RAPH1: variants seen among roughly 807,000 people sequenced by gnomAD.
The protein encoded by RAPH1 is Ras association (RalGDS/AF-6) and pleckstrin homology domains 1, also known as ras-associated and pleckstrin homology domains-containing protein 1.
A neutral mutation model predicts 88.1 loss-of-function variants in RAPH1; 18 were observed. The observed-to-expected ratio is 0.20, with a 90% CI of 0.14 to 0.30. The LOEUF is 0.30. Among genes scored for constraint, RAPH1 ranks in the 10% least tolerant of loss-of-function variants. RAPH1 has a pLI of 1.00. For missense variants in RAPH1, 1,448 were observed against 1,543.2 expected, an observed-to-expected ratio of 0.94 and a Z score of 1.03; for synonymous variants, 587 against 559.0, an observed-to-expected ratio of 1.05 and a Z score of -0.71.
chr2:203,496,027 C>A (rs954642042), intron 1 of RAPH1, among the ~76,000 whole-genome samples: 12 of 152,146 alleles, frequency 7.9e-5, no homozygotes, highest in African/African-American at 2.9e-4. Flanking sequence ...AAATATAAGT[C>A]CCTTGAAAGA....
chr2:203,486,521 A>C (rs1687980475), intron 4 of RAPH1, among the ~76,000 whole-genome samples: 1 of 152,208 alleles, frequency 6.6e-6, no homozygotes, highest in African/African-American at 2.4e-5. Flanking sequence ...AAGAAATGGC[A>C]ATGTGTATGT....
At chr2:203,503,753 AG>A (rs1405016513) in intron 1 of RAPH1, among the ~76,000 whole-genome samples, 1 of 152,198 alleles carries the variant, frequency 6.6e-6, no homozygotes, top group East Asian at 1.9e-4. Context: ...TCTGCCTATG[AG>A]CCTATAAAAT....
At chr2:203,506,870 A>ATC (rs1689096914) in intron 1 of RAPH1, among the ~76,000 whole-genome samples, 1 of 100,746 alleles carries the variant, frequency 9.9e-6, no homozygotes, top group Admixed American at 1.1e-4. Flanking sequence ...ATATATATAT[A>ATC]TATATATATA....
intron 4 of RAPH1, among the ~76,000 whole-genome samples, chr2:203,479,459 C>T (rs892125927): frequency 3.3e-5 from 5 of 151,958 alleles, no homozygotes; most frequent in African/African-American, 1.2e-4. Flanking sequence ...CAAAAAATAG[C>T]CAGGGGTGGT....
At chr2:203,471,971 T>C (rs1017306892) in intron 4 of RAPH1, among the ~76,000 whole-genome samples, 2 of 152,130 alleles carry the variant, frequency 1.3e-5, no homozygotes, top group African/African-American at 4.8e-5. Context: ...GTAAGACTGA[T>C]TGGCTCCTCC....
chr2:203,478,227 G>T (rs1467872235), intron 4 of RAPH1, among the ~76,000 whole-genome samples: 6 of 151,934 alleles, frequency 3.9e-5, no homozygotes, highest in Admixed American at 3.3e-4. Context: ...GTAGAGACGG[G>T]GTTTCACAGT....
intron 1 of RAPH1, among the ~76,000 whole-genome samples, chr2:203,519,539 TA>T (rs1689771707): frequency 6.6e-6 from 1 of 152,068 alleles, no homozygotes; most frequent in Non-Finnish European, 1.5e-5. Flanking sequence ...ACAATTAACA[TA>T]ACACTTAATG....
At chr2:203,508,185 G>A (rs1581384991) in intron 1 of RAPH1, among the ~76,000 whole-genome samples, 1 of 140,438 alleles carries the variant, frequency 7.1e-6, no homozygotes, top group East Asian at 2.1e-4. Flanking sequence ...TAGCGCCACT[G>A]CACTCCAGCC....
At chr2:203,462,968 G>A (rs561971564) in intron 4 of RAPH1, among the ~76,000 whole-genome samples, 1 of 152,144 alleles carries the variant, frequency 6.6e-6, no homozygotes, top group African/African-American at 2.4e-5. Flanking sequence ...TGGAGGCTGG[G>A]GAGGGCAGAT....
In RAPH1 at chr2:203,439,403, T is replaced by C. The variant is rs374277521; in HGVS notation, c.*34A>G. 432 of 1,593,342 alleles carry C rather than the reference T, an allele frequency of 2.7e-4. No individual in the cohort carries two copies. The African/African-American group carries it at 5.5e-3, about 20-fold the overall frequency. On this transcript the variant is annotated 3_prime_UTR_variant, in exon 14 of 14. Coordinates refer to ENST00000319170, the MANE Select transcript of RAPH1 (RefSeq NM_213589.3). ...TCAGGTGAGCTGATTGTAGCAGTGA[T>C]TACAGATATCATGAAAATAAAGTCC...
rs1483831468 is a variant in RAPH1 at position 203,506,895 on chromosome 2, T to G, written c.1-11542A>C. ...ATATATATATAGATATATATATATA[T>G]ATATTTTTTTTTTTTTTGAGATGAA... On this transcript the variant is annotated intron_variant, in intron 1 of 13. Coordinates refer to ENST00000319170, the MANE Select transcript of RAPH1 (RefSeq NM_213589.3). Among the ~76,000 whole-genome samples the G allele has an allele frequency of 1.6e-4, 18 of 111,846 alleles. 2 individuals carry two copies. Among genetic ancestry groups the G allele is most frequent in the African/African-American group, 2.6e-4 (6 of 23,212 alleles). The allele number at this position is 111,846 out of a possible 152,430, so 73.4% of individuals were successfully genotyped here.
chr2:203,501,386 T>A (rs62182808), intron 1 of RAPH1, among the ~76,000 whole-genome samples: 2,140 of 152,342 alleles, frequency 0.014, 15 homozygotes, highest in Non-Finnish European at 0.022. Flanking sequence ...ACAAGACCTT[T>A]AGTTCTGCTG....
intron 4 of RAPH1, among the ~76,000 whole-genome samples, chr2:203,489,319 C>T (rs1341569913): frequency 2.6e-5 from 4 of 152,134 alleles, no homozygotes; most frequent in African/African-American, 9.6e-5. Context: ...TGAAATGACT[C>T]ATATTACAAT....
chr2:203,530,704 C>T (rs1190578585), intron 1 of RAPH1, among the ~76,000 whole-genome samples: 1 of 152,058 alleles, frequency 6.6e-6, no homozygotes, highest in Non-Finnish European at 1.5e-5. Context: ...TCAGCCTGGG[C>T]AACATGATGA....
At chr2:203,450,949 A>G (rs1330491376) in intron 10 of RAPH1, among the ~76,000 whole-genome samples, 1 of 151,428 alleles carries the variant, frequency 6.6e-6, no homozygotes, top group African/African-American at 2.4e-5. Flanking sequence ...AAGAGAAATT[A>G]TCCTCCACCC....
At chr2:203,523,346 T>C (rs950746128) in intron 1 of RAPH1, among the ~76,000 whole-genome samples, 7 of 151,330 alleles carry the variant, frequency 4.6e-5, no homozygotes, top group Non-Finnish European at 8.8e-5. Flanking sequence ...TGAGCTGAGA[T>C]TGTGCCACTG....
At chr2:203,479,680 G>A (rs1687633547) in intron 4 of RAPH1, among the ~76,000 whole-genome samples, 1 of 151,216 alleles carries the variant, frequency 6.6e-6, no homozygotes, top group Non-Finnish European at 1.5e-5. Context: ...AAAACAGTAT[G>A]ACGGAATACT....
intron 4 of RAPH1, among the ~76,000 whole-genome samples, chr2:203,479,605 C>CA (rs796562365): frequency 0.056 from 3,563 of 63,802 alleles, 83 homozygotes; most frequent in African/African-American, 0.12. Flanking sequence ...AAGACTGACT[C>CA]AAAAAAAAAA....
intron 1 of RAPH1, among the ~76,000 whole-genome samples, chr2:203,527,389 T>A (rs1168129051): frequency 6.6e-6 from 1 of 152,176 alleles, no homozygotes; most frequent in Non-Finnish European, 1.5e-5. Context: ...GTAATTACTA[T>A]CTTTAATACA....
Sources: allele counts gnomAD v4.1 joint callset (sites outside exome capture counted in the v4.1 genomes callset), GRCh38; gene constraint gnomAD v4.1.1; transcripts MANE v1.5; gene names NCBI Gene and HGNC (gene_info 2026-07-23, HGNC 2026-07-21).